Variants in CCDC60 observed in about 807,000 individuals in gnomAD.
CCDC60 encodes the protein coiled-coil domain-containing protein 60.
CCDC60 carries 54 observed loss-of-function variants against 63.5 expected under a neutral mutation model. The observed-to-expected ratio is 0.85, with a 90% CI of 0.68 to 1.07. CCDC60 has a LOEUF of 1.07. Among genes scored for constraint, CCDC60 ranks in the 50% least tolerant of loss-of-function variants. The probability of loss-of-function intolerance (pLI) is 0.00; values close to 1 mark genes in which losing one functional copy is unlikely to be tolerated. For missense variants in CCDC60, 651 were observed against 684.3 expected (o/e 0.95, Z 0.54); for synonymous variants, 206 against 238.8 (o/e 0.86, Z 1.27).
intron 1 of CCDC60, among the ~76,000 whole-genome samples, chr12:119,419,467 C>T (rs1956769138): frequency 1.3e-5 from 2 of 152,182 alleles, no homozygotes; most frequent in African/African-American, 4.8e-5. Context: ...TTTGTCCTGT[C>T]ATTGGTGATG....
chr12:119,391,413 C>G (rs1481565035), intron 1 of CCDC60, among the ~76,000 whole-genome samples: 10 of 152,174 alleles, frequency 6.6e-5, no homozygotes, highest in Admixed American at 6.5e-4. Context: ...ATGTCTTAGG[C>G]ATGGATATAA....
At chr12:119,528,826 C>A in intron 12 of CCDC60, 80 bp downstream of exon 12, 2 of 1,454,976 alleles carry the variant, frequency 1.4e-6, no homozygotes, top group Non-Finnish European at 1.9e-6. Flanking sequence ...ATTGATTCCA[C>A]TGTCCTTCAA....
At chr12:119,343,948 C>T (rs998243453) in intron 1 of CCDC60, among the ~76,000 whole-genome samples, 1 of 152,120 alleles carries the variant, frequency 6.6e-6, no homozygotes, top group South Asian at 2.1e-4. Flanking sequence ...TTCATACTCT[C>T]CTTCTCCATA....
chr12:119,500,608 G>A (rs796661217), intron 6 of CCDC60, among the ~76,000 whole-genome samples: 6 of 135,412 alleles, frequency 4.4e-5, no homozygotes, highest in African/African-American at 1.6e-4. Flanking sequence ...AATCCCAAAG[G>A]ATTGGGAGGC....
At chr12:119,434,189 CTT>C (rs2136243491) in intron 2 of CCDC60, among the ~76,000 whole-genome samples, 1 of 152,220 alleles carries the variant, frequency 6.6e-6, no homozygotes, top group East Asian at 1.9e-4. Context: ...GGGTCTGAGA[CTT>C]TGCTTTCCAG....
At chr12:119,351,855 C>A (rs1228287760) in intron 1 of CCDC60, among the ~76,000 whole-genome samples, 2 of 152,188 alleles carry the variant, frequency 1.3e-5, no homozygotes. Flanking sequence ...TTGTTCTGAG[C>A]CCTCCAAACT....
At chr12:119,469,096 A>T (rs1951008001) in intron 2 of CCDC60, among the ~76,000 whole-genome samples, 1 of 152,170 alleles carries the variant, frequency 6.6e-6, no homozygotes, top group African/African-American at 2.4e-5. Flanking sequence ...ACTTCTTCAC[A>T]TTCAAAGCCC....
intron 5 of CCDC60, among the ~76,000 whole-genome samples, chr12:119,494,478 C>T (rs1431926525): frequency 2.0e-5 from 3 of 152,210 alleles, no homozygotes; most frequent in Middle Eastern, 3.2e-3. Context: ...AGAGACACCA[C>T]TGGGCCCACT....
At chr12:119,485,532 C>G (rs549919) in intron 4 of CCDC60, among the ~76,000 whole-genome samples, 2 of 151,936 alleles carry the variant, frequency 1.3e-5, no homozygotes. Flanking sequence ...TCTCCCAACC[C>G]TCTCGAGGTT....
rs1262672264 is a variant in CCDC60 at position 119,410,068 on chromosome 12, C to T, written c.91-18615C>T. Reference sequence around the variant, plus strand: ...CTGCTCCAGCCTCCTTATAGTCCCACGATACTCAATACCCTGACGCTCTCC... The same window carrying T: ...CTGCTCCAGCCTCCTTATAGTCCCATGATACTCAATACCCTGACGCTCTCC... On this transcript the variant is annotated intron_variant, in intron 1 of 13. Coordinates refer to ENST00000327554, the MANE Select transcript of CCDC60 (RefSeq NM_178499.5). This position sits in a 1 kb window ranked among gnomAD's most constrained non-coding sequence, Gnocchi z 4.0. Among the ~76,000 whole-genome samples, 3 of 152,122 alleles carry T rather than the reference C, an allele frequency of 2.0e-5. No homozygotes were observed. The highest frequency in any genetic ancestry group is 4.4e-5 in the Non-Finnish European group (3 of 68,020).
intron 1 of CCDC60, among the ~76,000 whole-genome samples, chr12:119,336,299 G>A (rs1955470873): frequency 6.6e-6 from 1 of 152,146 alleles, no homozygotes; most frequent in African/African-American, 2.4e-5. Context: ...AGAGAGAGGA[G>A]AGTCATGGTG....
chr12:119,490,937 G>A (rs1001122393), intron 5 of CCDC60, among the ~76,000 whole-genome samples: 4 of 152,176 alleles, frequency 2.6e-5, no homozygotes, highest in Admixed American at 6.5e-5. Flanking sequence ...TTCAAAAAAT[G>A]TATAAGTATA....
chr12:119,528,156 T>C (rs1007459565), intron 11 of CCDC60, among the ~76,000 whole-genome samples: 9 of 152,000 alleles, frequency 5.9e-5, no homozygotes, highest in African/African-American at 2.2e-4. Flanking sequence ...ATATTTATAA[T>C]ATAAAGTCTC....
intron 6 of CCDC60, among the ~76,000 whole-genome samples, chr12:119,500,666 C>A (rs1465355675): frequency 6.6e-6 from 1 of 151,832 alleles, no homozygotes; most frequent in African/African-American, 2.4e-5. Flanking sequence ...CGAGCCTGGG[C>A]AACATAGCAA....
chr12:119,472,576 C>CTTTT (rs11303138), intron 3 of CCDC60, among the ~76,000 whole-genome samples: 8 of 97,640 alleles, frequency 8.2e-5, no homozygotes, highest in Admixed American at 1.2e-4. Context: ...AAAATGCCTC[C>CTTTT]TTTTTTTTTT....
At chr12:119,507,439 T>C (rs1429380046) in intron 7 of CCDC60, among the ~76,000 whole-genome samples, 1 of 147,320 alleles carries the variant, frequency 6.8e-6, no homozygotes, top group African/African-American at 2.5e-5. Context: ...TGTATATATA[T>C]ACACATATAT....
At chr12:119,394,522 A>T (rs1373543374) in intron 1 of CCDC60, among the ~76,000 whole-genome samples, 1 of 152,180 alleles carries the variant, frequency 6.6e-6, no homozygotes, top group African/African-American at 2.4e-5. Flanking sequence ...GGCATCCCCT[A>T]AAAGCACAGT....
At chr12:119,496,824 C>T (rs1416553719) in intron 5 of CCDC60, among the ~76,000 whole-genome samples, 5 of 152,196 alleles carry the variant, frequency 3.3e-5, no homozygotes, top group Non-Finnish European at 7.3e-5. Flanking sequence ...CTCTTAACCA[C>T]TAAGATAACA....
At chr12:119,411,463 C>T (rs1427531288) in intron 1 of CCDC60, among the ~76,000 whole-genome samples, 2 of 152,144 alleles carry the variant, frequency 1.3e-5, no homozygotes. Flanking sequence ...GCCGAGATCA[C>T]ACCACTGGAC....
Sources: allele counts gnomAD v4.1 joint callset (sites outside exome capture counted in the v4.1 genomes callset), GRCh38; gene constraint gnomAD v4.1.1; non-coding constraint Gnocchi (gnomAD v3.1); transcripts MANE v1.5; gene names NCBI Gene and HGNC (gene_info 2026-07-23, HGNC 2026-07-21).